The following HDAC5 variants were observed in gnomAD, a reference collection of about 807,000 sequenced individuals.
The protein encoded by HDAC5 is histone deacetylase 5.
HDAC5 carries 25 observed loss-of-function variants against 133.3 expected under a neutral mutation model. The ratio of observed to expected loss-of-function variants is 0.19; its 90% CI spans 0.14 to 0.26. The LOEUF is 0.26. HDAC5 is among the 10% of genes least tolerant of loss of function. The pLI is 1.00. For synonymous variants in HDAC5, 589 were observed against 610.8 expected (o/e 0.96, Z 0.53); for missense variants, 1,041 against 1,460.5 (o/e 0.71, Z 4.68).
At chr17:44,105,792 A>G (rs1216076042) in intron 3 of HDAC5, among the ~76,000 whole-genome samples, 1 of 152,086 alleles carries the variant, frequency 6.6e-6, no homozygotes, top group Non-Finnish European at 1.5e-5. Flanking sequence ...AAGACCCACT[A>G]AGGCCTTCCA....
At chr17:44,123,061 A>G (rs10853119) in intron 1 of HDAC5, among the ~76,000 whole-genome samples, 148,177 of 152,248 alleles carry the variant, frequency 0.97, 72,253 homozygotes, top group East Asian at 1. Flanking sequence ...CTCTGGGTGG[A>G]CAGCACCCCT....
chr17:44,078,395 T>A lies in HDAC5; in HGVS notation c.3350A>T (p.Glu1117Val), dbSNP rs2050211059. 6.5e-7 allele frequency: 1 copy of A among 1,527,488 alleles called. No individual in the cohort carries two copies. Among genetic ancestry groups the A allele is most frequent in the Non-Finnish European group, 8.8e-7 (1 of 1,137,384 alleles). The allele number at this position is 1,527,488 out of a possible 1,614,324, so 94.6% of individuals were successfully genotyped here. A position where few individuals can be genotyped will look rare whatever the true frequency, so the allele number is the denominator to read the frequency against. The change falls in exon 27 of 27, where the codon GAG (glutamate) becomes GTG (valine). Residue 1117 changes from glutamate (E) to valine (V), a missense_variant. Physicochemically the swap from Glu to Val is moderately radical, Grantham distance 121 (BLOSUM62 -2). Around this residue, in one of 9 missense-constraint regions of HDAC5, gnomAD observed 95 missense variants for 107.3 expected, o/e 0.88. Transcript: ENST00000682912. ...GGGGCGTCACAGGGCAGGCTCCTGC[T>A]CCATGGGCTCCTCTGCCGGCCTGTG... Reference protein sequence around the residue: ...HSPRPAEEPMEQEPAL With the variant: ...HSPRPAEEPMVQEPAL
intron 11 of HDAC5, among the ~76,000 whole-genome samples, chr17:44,091,020 A>T (rs2050920078): frequency 6.6e-6 from 1 of 152,212 alleles, no homozygotes; most frequent in African/African-American, 2.4e-5. Flanking sequence ...TGGATGCTAG[A>T]AATTACGTAT....
chr17:44,122,705 G>A (rs2053086090), intron 1 of HDAC5, among the ~76,000 whole-genome samples: 1 of 152,080 alleles, frequency 6.6e-6, no homozygotes, highest in African/African-American at 2.4e-5. Context: ...TCTTCCCCAG[G>A]GCCCCAGGGA....
At chr17:44,116,542 T>C (rs1468143009) in intron 2 of HDAC5, among the ~76,000 whole-genome samples, 1 of 152,110 alleles carries the variant, frequency 6.6e-6, no homozygotes, top group Non-Finnish European at 1.5e-5. Flanking sequence ...TTGCCCTATC[T>C]CTAAAAGGAG....
chr17:44,078,411 C>T lies in HDAC5; in HGVS notation c.3334G>A (p.Ala1112Thr), dbSNP rs761022059. The T allele has an allele frequency of 3.9e-6, 6 of 1,532,648 alleles. No homozygotes were observed. The highest frequency in any genetic ancestry group is 2.1e-5 in the Admixed American group (1 of 47,700). The allele number at this position is 1,532,648 out of a possible 1,614,324, so 94.9% of individuals were successfully genotyped here. Residue 1112 changes from alanine to threonine, a missense_variant, in exon 27 of 27, where the codon GCA becomes ACA. Ala to Thr is a moderately conservative substitution (Grantham distance 58). Coordinates refer to ENST00000682912, the MANE Select transcript of HDAC5 (RefSeq NM_005474.5). ...AAAREHSPRP[A>T]EEPMEQEPAL Reference sequence around the variant, plus strand: ...GGCTCCTGCTCCATGGGCTCCTCTGCCGGCCTGTGGGGCAAGCACAGGGGA... The same window carrying T: ...GGCTCCTGCTCCATGGGCTCCTCTGTCGGCCTGTGGGGCAAGCACAGGGGA...
rs757385670 is a variant in HDAC5 at position 44,082,542 on chromosome 17, A to C, written c.2607+43T>G. On this transcript the variant is annotated intron_variant, in intron 20 of 26. Coordinates refer to ENST00000682912, the MANE Select transcript of HDAC5 (RefSeq NM_005474.5). Reference sequence around the variant, plus strand: ...CTTCCTGAAGGCTGACCCTGGTCCTAGCTCTACCCGCCCCTGCCCAGCCCC... The same window carrying C: ...CTTCCTGAAGGCTGACCCTGGTCCTCGCTCTACCCGCCCCTGCCCAGCCCC... The C allele has an allele frequency of 7.4e-6, 11 of 1,485,218 alleles. No individual in the cohort carries two copies. In the East Asian group the frequency reaches 2.5e-4, roughly 34 times the overall value. 92.0% of individuals were successfully genotyped at this position (1,485,218 alleles called of 1,614,324 possible). A position where few individuals can be genotyped will look rare whatever the true frequency, so the allele number is the denominator to read the frequency against.
intron 2 of HDAC5, chr17:44,111,348 G>T (rs770311942): frequency 6.0e-6 from 2 of 331,350 alleles, no homozygotes; most frequent in Non-Finnish European, 1.2e-5. Context: ...GCCCCATGGG[G>T]GGGGAGGCGG....
intron 11 of HDAC5, among the ~76,000 whole-genome samples, chr17:44,089,653 A>T (rs1429100729): frequency 2.0e-5 from 3 of 147,346 alleles, no homozygotes; most frequent in African/African-American, 7.4e-5. Context: ...AGGCTTAGGC[A>T]GGAGAATCAC....
chr17:44,091,485 G>C lies in HDAC5; in HGVS notation c.1172C>G (p.Pro391Arg). Residue 391 changes from proline (P) to arginine (R), a missense_variant, in exon 11 of 27, where the codon CCG becomes CGG. Pro to Arg is a moderately radical substitution (Grantham distance 103). This residue lies in a region of HDAC5 where 433 missense variants were observed against 531.6 expected (regional missense o/e 0.81). Transcript: ENST00000682912. ...GGCCTCCTGCTGTGTCGACAGCTTC[G>C]GGGAGGCCTGGGGGGTGAAGGGAGG... ...TVTNSHLTAS[P>R]KLSTQQEAER... 6.5e-7 allele frequency: 1 copy of C among 1,542,600 alleles called. No homozygotes were observed.
intron 3 of HDAC5, among the ~76,000 whole-genome samples, chr17:44,099,655 T>C (rs1374021110): frequency 2.0e-5 from 3 of 152,104 alleles, no homozygotes; most frequent in Admixed American, 6.6e-5. Flanking sequence ...TTTGTATTTT[T>C]AGTAGAGACG....
rs530515694 is a variant in HDAC5 at position 44,117,799 on chromosome 17, G to A, written c.-189-95C>T. On this transcript the variant is annotated intron_variant, in intron 1 of 26. Coordinates refer to ENST00000682912, the MANE Select transcript of HDAC5 (RefSeq NM_005474.5). The surrounding 1 kb of genome is among the most constrained non-coding windows in gnomAD (Gnocchi z 4.2). ...CTCATCAGTTTGTACCTGGGGATGA[G>A]GGATGAGAGGGAGGGATACCTGCCC... 1.3e-3 allele frequency: 752 copies of A among 573,034 alleles called. 2 individuals carry two copies. The highest frequency in any genetic ancestry group is 1.8e-3 in the Admixed American group (60 of 32,798). The allele number at this position is 573,034 out of a possible 1,614,324, so 35.5% of individuals were successfully genotyped here.
chr17:44,091,630 C>T, intron 10 of HDAC5, 70 bp downstream of exon 10: 1 of 1,507,764 alleles, frequency 6.6e-7, no homozygotes, highest in Non-Finnish European at 8.9e-7. Flanking sequence ...GGGGAAAACC[C>T]CAGCTGGGGG....
chr17:44,106,446 G>A (rs2143507506), intron 3 of HDAC5, among the ~76,000 whole-genome samples: 1 of 152,306 alleles, frequency 6.6e-6, no homozygotes, highest in East Asian at 1.9e-4. Flanking sequence ...AGGCTGTGTA[G>A]GTGGCATATT....
chr17:44,085,659 G>A (rs953824497), intron 14 of HDAC5, among the ~76,000 whole-genome samples: 8 of 151,666 alleles, frequency 5.3e-5, no homozygotes, highest in East Asian at 1.9e-4. Flanking sequence ...GTGCCACCAC[G>A]CCTGGCTAAT....
At chr17:44,109,638 T>C (rs1315811394) in intron 3 of HDAC5, among the ~76,000 whole-genome samples, 2 of 152,380 alleles carry the variant, frequency 1.3e-5, no homozygotes, top group Non-Finnish European at 1.5e-5. Context: ...ACATTCATGC[T>C]CTGACACATC....
chr17:44,104,202 G>C (rs533218433), intron 3 of HDAC5, among the ~76,000 whole-genome samples: 1 of 152,154 alleles, frequency 6.6e-6, no homozygotes, highest in African/African-American at 2.4e-5. Context: ...ATACTCGGGA[G>C]ACTGAGGCAG....
intron 3 of HDAC5, among the ~76,000 whole-genome samples, chr17:44,099,853 C>G (rs547809117): frequency 2.0e-5 from 3 of 152,150 alleles, no homozygotes; most frequent in African/African-American, 7.2e-5. Context: ...GCCCAGCTCA[C>G]GAGCACAAGT....
chr17:44,079,816 C>T (rs1363916840), intron 23 of HDAC5, among the ~76,000 whole-genome samples: 1 of 152,006 alleles, frequency 6.6e-6, no homozygotes, highest in African/African-American at 2.4e-5. Flanking sequence ...CTGAAGACTC[C>T]AATCCAATGA....
Sources: gnomAD v4.1 joint callset for allele counts (sites outside exome capture counted in the v4.1 genomes callset) on GRCh38, gnomAD v4.1.1 for gene constraint, gnomAD v4.1.1 regional missense constraint, Gnocchi (gnomAD v3.1) non-coding constraint, MANE v1.5 for transcripts, NCBI Gene and HGNC (gene_info 2026-07-23, HGNC 2026-07-21) for gene names.